Variants in CACNB4 observed in about 807,000 individuals in gnomAD.
CACNB4 encodes voltage-dependent L-type calcium channel subunit beta-4.
A neutral mutation model predicts 71.2 loss-of-function variants in CACNB4; 32 were observed. That is an observed-to-expected ratio of 0.45 (90% CI 0.34 to 0.60). The LOEUF (loss-of-function observed/expected upper bound fraction) is 0.60. CACNB4 is among the 20% of genes least tolerant of loss of function. The pLI is 0.01. For synonymous variants in CACNB4, 231 were observed against 236.9 expected, an observed-to-expected ratio of 0.97 and a Z score of 0.23; for missense variants, 464 against 647.9, an observed-to-expected ratio of 0.72 and a Z score of 3.08.
At chr2:151,957,479 C>T (rs1318872897) in intron 2 of CACNB4, among the ~76,000 whole-genome samples, 1 of 151,918 alleles carries the variant, frequency 6.6e-6, no homozygotes, top group African/African-American at 2.4e-5. Flanking sequence ...ATGAATAAAC[C>T]AATTACATTT....
At chr2:151,874,466 A>G (rs2099845440) in intron 5 of CACNB4, among the ~76,000 whole-genome samples, 1 of 142,902 alleles carries the variant, frequency 7.0e-6, no homozygotes, top group Admixed American at 7.0e-5. Context: ...AGACTCTAAG[A>G]AAAAAAAAAA....
At chr2:152,004,558 CACACACACACAT>C (rs1682615095) in intron 2 of CACNB4, among the ~76,000 whole-genome samples, 1 of 151,958 alleles carries the variant, frequency 6.6e-6, no homozygotes, top group Non-Finnish European at 1.5e-5. Context: ...CACACACACA[CACACACACACAT>C]GCTAACAACC....
At chr2:151,970,727 G>C (rs968018062) in intron 2 of CACNB4, 1 of 152,208 alleles carries the variant, frequency 6.6e-6, no homozygotes, top group Non-Finnish European at 1.5e-5. Flanking sequence ...GCCTGGGCTA[G>C]GTATGGGTTC....
At chr2:152,058,676 G>A (rs1685849892) in intron 2 of CACNB4, among the ~76,000 whole-genome samples, 2 of 152,248 alleles carry the variant, frequency 1.3e-5, no homozygotes, top group African/African-American at 4.8e-5. Flanking sequence ...TGATGATGTG[G>A]TAGAGAAGAA....
At chr2:152,036,621 T>C (rs1347000586) in intron 2 of CACNB4, among the ~76,000 whole-genome samples, 3 of 152,192 alleles carry the variant, frequency 2.0e-5, no homozygotes. Flanking sequence ...GTTACATGTT[T>C]TTTACCACAT....
At chr2:151,951,252 T>C (rs2099866846) in intron 2 of CACNB4, among the ~76,000 whole-genome samples, 1 of 151,974 alleles carries the variant, frequency 6.6e-6, no homozygotes, top group South Asian at 2.1e-4. Flanking sequence ...AAATGGTTAA[T>C]TGCATGGTTT....
chr2:151,975,342 A>G (rs769112176), intron 2 of CACNB4, among the ~76,000 whole-genome samples: 6 of 152,244 alleles, frequency 3.9e-5, no homozygotes, highest in Non-Finnish European at 7.3e-5. Flanking sequence ...AGCAGAGCAT[A>G]GTTCTTCCAG....
intron 2 of CACNB4, among the ~76,000 whole-genome samples, chr2:151,964,041 C>G (rs1237686746): frequency 7.1e-6 from 1 of 141,716 alleles, no homozygotes; most frequent in African/African-American, 2.7e-5. Context: ...TGCACTCCAA[C>G]CTGGCCAGAG....
chr2:151,902,510 A>G (rs1191459657), intron 2 of CACNB4, among the ~76,000 whole-genome samples: 1 of 152,216 alleles, frequency 6.6e-6, no homozygotes, highest in Non-Finnish European at 1.5e-5. Flanking sequence ...AGGGCTCTTC[A>G]CGATTATTAG....
chr2:151,884,502 C>T (rs917239422), intron 2 of CACNB4, among the ~76,000 whole-genome samples: 7 of 144,982 alleles, frequency 4.8e-5, no homozygotes, highest in African/African-American at 1.5e-4. Flanking sequence ...GGCGTGGTGG[C>T]GGGCGCCTGT....
chr2:151,963,010 A>G (rs2099870050), intron 2 of CACNB4: 1 of 152,094 alleles, frequency 6.6e-6, no homozygotes, highest in South Asian at 2.1e-4. Context: ...TAAAAAGAAT[A>G]TTGCTCTAGA....
intron 12 of CACNB4, among the ~76,000 whole-genome samples, chr2:151,845,551 T>C (rs2151328067): frequency 6.6e-6 from 1 of 152,378 alleles, no homozygotes; most frequent in Middle Eastern, 3.4e-3. Context: ...AAACCAGCTA[T>C]GCCAATTTTT....
intron 2 of CACNB4, among the ~76,000 whole-genome samples, chr2:151,986,820 C>G (rs1157951028): frequency 1.3e-5 from 2 of 152,200 alleles, no homozygotes; most frequent in Non-Finnish European, 2.9e-5. Flanking sequence ...CTGAGTGCCA[C>G]CTCCAGACTA....
chr2:152,076,865 T>C (rs1687060270), intron 2 of CACNB4, among the ~76,000 whole-genome samples: 1 of 152,240 alleles, frequency 6.6e-6, no homozygotes, highest in Non-Finnish European at 1.5e-5. Context: ...GGAGCTTACA[T>C]TCCAGTGAGA....
At chr2:151,874,949 G>A (rs989911102) in intron 5 of CACNB4, 4 of 399,284 alleles carry the variant, frequency 1.0e-5, no homozygotes, top group Non-Finnish European at 1.8e-5. Flanking sequence ...AATACCAGGA[G>A]ACAAGAGATG....
chr2:152,041,152 C>T (rs145587123), intron 2 of CACNB4, among the ~76,000 whole-genome samples: 297 of 152,314 alleles, frequency 1.9e-3, no homozygotes, highest in African/African-American at 6.8e-3. Context: ...ACTTTTGGCA[C>T]TCAGTATAAT....
intron 2 of CACNB4, among the ~76,000 whole-genome samples, chr2:152,017,764 CT>C (rs747303016): frequency 2.7e-4 from 41 of 151,848 alleles, no homozygotes; most frequent in Non-Finnish European, 5.0e-4. Context: ...CAATAAAGCT[CT>C]CATATACTGT....
chr2:152,010,668 C>T (rs1683003606), intron 2 of CACNB4, among the ~76,000 whole-genome samples: 1 of 152,200 alleles, frequency 6.6e-6, no homozygotes, highest in African/African-American at 2.4e-5. Flanking sequence ...GCATGGGTCA[C>T]TCTGCTAGCA....
chr2:151,980,349 C>G (rs943806112), intron 2 of CACNB4, among the ~76,000 whole-genome samples: 1 of 152,192 alleles, frequency 6.6e-6, no homozygotes. Flanking sequence ...CCCCTTCACT[C>G]TCTCCAAGTT....
Sources: gnomAD v4.1 joint callset for allele counts (sites outside exome capture counted in the v4.1 genomes callset) on GRCh38, gnomAD v4.1.1 for gene constraint, MANE v1.5 for transcripts, NCBI Gene and HGNC (gene_info 2026-07-23, HGNC 2026-07-21) for gene names.